The following BMPER variants were observed in gnomAD, a reference collection of about 807,000 sequenced individuals.
BMPER encodes the protein BMP-binding endothelial regulator protein.
BMPER carries 45 observed loss-of-function variants against 87.3 expected under a neutral mutation model. The ratio of observed to expected loss-of-function variants is 0.52; its 90% CI spans 0.41 to 0.66. The LOEUF is 0.66. Among genes scored for constraint, BMPER ranks in the 30% least tolerant of loss-of-function variants. The probability of loss-of-function intolerance (pLI) is 0.00; values close to 1 mark genes in which losing one functional copy is unlikely to be tolerated. For synonymous variants in BMPER, 326 were observed against 316.2 expected, an observed-to-expected ratio of 1.03 and a Z score of -0.33; for missense variants, 784 against 867.5, an observed-to-expected ratio of 0.90 and a Z score of 1.21.
chr7:34,096,041 C>T (rs1358788144), intron 13 of BMPER, among the ~76,000 whole-genome samples: 1 of 152,158 alleles, frequency 6.6e-6, no homozygotes, highest in African/African-American at 2.4e-5. Flanking sequence ...GTCTCTTTCT[C>T]CTCGTCACAT....
chr7:33,921,090 T>G lies in BMPER; in HGVS notation c.219+14187T>G, dbSNP rs1256301781. On this transcript the variant is annotated intron_variant, in intron 2 of 14. Coordinates refer to ENST00000649409, the MANE Select transcript of BMPER (RefSeq NM_001365308.1). Reference sequence around the variant, plus strand: ...CTTGAAGACTTTATATTGGTTACTTTTTTATTATAACCCTTACTCCTCTCT... The same window carrying G: ...CTTGAAGACTTTATATTGGTTACTTGTTTATTATAACCCTTACTCCTCTCT... 2.6e-5 allele frequency among the ~76,000 whole-genome samples: 4 copies of G among 152,218 alleles called. No homozygotes were observed. In the South Asian group the frequency reaches 8.3e-4, roughly 32 times the overall value.
Position 34,029,933 on chromosome 7 carries a change from A to G in BMPER, c.577-16373A>G, listed in dbSNP as rs555663137. Reference sequence around the variant, plus strand: ...TATAAATATTCCAGAAATGCCAGACATTGGTAGGGTGACCTGGTTTATAGA... The same window carrying G: ...TATAAATATTCCAGAAATGCCAGACGTTGGTAGGGTGACCTGGTTTATAGA... On this transcript the variant is annotated intron_variant, in intron 6 of 14. Transcript: ENST00000649409. Among the ~76,000 whole-genome samples the G allele has an allele frequency of 9.2e-4, 140 of 152,206 alleles. 2 individuals carry two copies. In the South Asian group the frequency reaches 0.028, roughly 30 times the overall value.
At chr7:34,012,142 G>A (rs1786900160) in intron 6 of BMPER, among the ~76,000 whole-genome samples, 1 of 151,834 alleles carries the variant, frequency 6.6e-6, no homozygotes, top group Non-Finnish European at 1.5e-5. Context: ...AAGGAGAATA[G>A]GGAACAAGAA....
At chr7:34,147,105 G>A (rs954061753) in intron 14 of BMPER, among the ~76,000 whole-genome samples, 2 of 152,166 alleles carry the variant, frequency 1.3e-5, no homozygotes, top group African/African-American at 2.4e-5. Context: ...TCTTTCTGTA[G>A]CATAACGGAT....
intron 13 of BMPER, among the ~76,000 whole-genome samples, chr7:34,125,372 C>A (rs1399329529): frequency 6.6e-6 from 1 of 152,170 alleles, no homozygotes; most frequent in Non-Finnish European, 1.5e-5. Context: ...TATGCCCTCC[C>A]CATTTCCAAC....
At chr7:34,144,646 G>T (rs933098653) in intron 14 of BMPER, among the ~76,000 whole-genome samples, 2 of 152,052 alleles carry the variant, frequency 1.3e-5, no homozygotes, top group Non-Finnish European at 2.9e-5. Flanking sequence ...AAACATTAGT[G>T]ATATATGCTT....
intron 13 of BMPER, among the ~76,000 whole-genome samples, chr7:34,112,128 G>A (rs1336828227): frequency 6.6e-6 from 1 of 152,120 alleles, no homozygotes; most frequent in African/African-American, 2.4e-5. Flanking sequence ...CTTTTAGCAA[G>A]TTAAAATTCA....
intron 6 of BMPER, among the ~76,000 whole-genome samples, chr7:34,026,776 C>A (rs966885253): frequency 6.6e-6 from 1 of 152,106 alleles, no homozygotes; most frequent in Non-Finnish European, 1.5e-5. Context: ...CTCTTAGGCT[C>A]ATACTTCATT....
At chr7:34,028,601 G>GGT (rs1787426612) in intron 6 of BMPER, among the ~76,000 whole-genome samples, 2 of 36,054 alleles carry the variant, frequency 5.5e-5, no homozygotes, top group African/African-American at 1.8e-4. Context: ...CATTTTTTCT[G>GGT]TTTTTTTTTT....
At chr7:34,015,923 G>A (rs1787012683) in intron 6 of BMPER, among the ~76,000 whole-genome samples, 2 of 151,714 alleles carry the variant, frequency 1.3e-5, no homozygotes, top group Admixed American at 6.6e-5. Context: ...TTTTGGAATC[G>A]TGACTTTGGT....
intron 13 of BMPER, among the ~76,000 whole-genome samples, chr7:34,135,914 C>G (rs1467914626): frequency 6.6e-6 from 1 of 152,070 alleles, no homozygotes; most frequent in Non-Finnish European, 1.5e-5. Context: ...CCGGAGATAA[C>G]TTTTATATCT....
chr7:34,085,810 A>G lies in BMPER; in HGVS notation c.1463A>G (p.His488Arg), dbSNP rs780987687. Residue 488 changes from histidine to arginine, a missense_variant, in exon 13 of 15, where the codon CAT (histidine) becomes CGT (arginine). Physicochemically the swap from His to Arg is conservative, Grantham distance 29. Coordinates refer to ENST00000649409, the MANE Select transcript of BMPER (RefSeq NM_001365308.1). Reference sequence around the variant, plus strand: ...TTTGTAGAAGTCATGGCTGCGCCGCATCTCAAGGGCAAGCTCTGTGGTCTT... The same window carrying G: ...TTTGTAGAAGTCATGGCTGCGCCGCGTCTCAAGGGCAAGCTCTGTGGTCTT... ...DSFVEVMAAPHLKGKLCGLCG... is the reference protein window; with the variant it reads ...DSFVEVMAAPRLKGKLCGLCG... 3 of 1,614,184 alleles carry G rather than the reference A, an allele frequency of 1.9e-6. No individual in the cohort carries two copies. The South Asian group carries it at 3.3e-5, about 18-fold the overall frequency.
chr7:33,994,121 G>T (rs1212516822), intron 6 of BMPER, among the ~76,000 whole-genome samples: 2 of 146,950 alleles, frequency 1.4e-5, no homozygotes, highest in Non-Finnish European at 3.0e-5. Flanking sequence ...AGGCAGGCAG[G>T]CCTCCTTGAG....
In BMPER at chr7:33,974,803, G is replaced by A. The variant is rs1785642865; in HGVS notation, c.576+19G>A. The A allele has an allele frequency of 1.9e-6, 3 of 1,610,830 alleles. No homozygotes were observed. Among genetic ancestry groups the A allele is most frequent in the Admixed American group, 1.7e-5 (1 of 60,016 alleles). ...CTGCACTGTAAGTCCTGCTGTGGAT[G>A]TTCCCAGGGTGTCCTTTGGGCAAAG... On this transcript the variant is annotated intron_variant, in intron 6 of 14. Transcript: ENST00000649409.
chr7:33,976,513 C>G (rs1360884084), intron 6 of BMPER, among the ~76,000 whole-genome samples: 1 of 152,028 alleles, frequency 6.6e-6, no homozygotes, highest in African/African-American at 2.4e-5. Flanking sequence ...TAAATATTAC[C>G]CATTTCTCAA....
At chr7:34,102,519 G>A (rs574799900) in intron 13 of BMPER, among the ~76,000 whole-genome samples, 1 of 152,302 alleles carries the variant, frequency 6.6e-6, no homozygotes, top group African/African-American at 2.4e-5. Flanking sequence ...CACACTTTGA[G>A]AACCACTGGT....
At position 33,906,845 on chromosome 7, in the gene BMPER, G is replaced by C; in HGVS notation, c.161G>C (p.Gly54Ala). The change falls in exon 2 of 15, where the codon GGT becomes GCT. Residue 54 changes from glycine to alanine, a missense_variant. Coordinates refer to ENST00000649409, the MANE Select transcript of BMPER (RefSeq NM_001365308.1). ...TCTGTTGCAAAATGTGAAAATGAAGGTGAAGTCCTCCAGATTCCATTTATC... is the reference window on the plus strand; with the variant it reads ...TCTGTTGCAAAATGTGAAAATGAAGCTGAAGTCCTCCAGATTCCATTTATC... ...TGSVAKCENE[G>A]EVLQIPFITD... 6.2e-7 allele frequency: 1 copy of C among 1,613,888 alleles called. No homozygotes were observed. Among genetic ancestry groups the C allele is most frequent in the Non-Finnish European group, 8.5e-7 (1 of 1,179,896 alleles).
chr7:34,094,051 G>T (rs889720104), intron 13 of BMPER, among the ~76,000 whole-genome samples: 10 of 152,148 alleles, frequency 6.6e-5, no homozygotes, highest in African/African-American at 2.4e-4. Flanking sequence ...AGGCACACCT[G>T]GTCTGGGGGC....
intron 3 of BMPER, among the ~76,000 whole-genome samples, chr7:33,949,152 T>A (rs1321160072): frequency 6.6e-6 from 1 of 152,176 alleles, no homozygotes; most frequent in Non-Finnish European, 1.5e-5. Flanking sequence ...ACTCAATTTT[T>A]TTTTTCCTCA....
Sources: allele counts gnomAD v4.1 joint callset (sites outside exome capture counted in the v4.1 genomes callset), GRCh38; gene constraint gnomAD v4.1.1; transcripts MANE v1.5; gene names NCBI Gene and HGNC (gene_info 2026-07-23, HGNC 2026-07-21).